SCFD2: variants seen among roughly 807,000 people sequenced by gnomAD.
SCFD2 encodes the protein sec1 family domain-containing protein 2.
SCFD2 carries 54 observed loss-of-function variants against 58.9 expected under a neutral mutation model. That is an observed-to-expected ratio of 0.92 (90% CI 0.74 to 1.15). The LOEUF is 1.15. Among genes scored for constraint, SCFD2 ranks in the 50% most tolerant of loss-of-function variants. The probability of loss-of-function intolerance (pLI) is 0.00; values close to 1 mark genes in which losing one functional copy is unlikely to be tolerated. For synonymous variants in SCFD2, 321 were observed against 335.9 expected, an observed-to-expected ratio of 0.96 and a Z score of 0.49; for missense variants, 805 against 836.6, an observed-to-expected ratio of 0.96 and a Z score of 0.47.
chr4:52,984,892 A>C (rs1721453824), intron 5 of SCFD2, among the ~76,000 whole-genome samples: 1 of 152,202 alleles, frequency 6.6e-6, no homozygotes, highest in African/African-American at 2.4e-5. Flanking sequence ...AGACAGGAAA[A>C]ATGATTTTGC....
At chr4:53,027,509 T>C (rs979307608) in intron 5 of SCFD2, among the ~76,000 whole-genome samples, 1 of 152,040 alleles carries the variant, frequency 6.6e-6, no homozygotes, top group African/African-American at 2.4e-5. Context: ...TACAGAAGAG[T>C]ATGAACAATT....
At chr4:52,961,996 G>A (rs376709665) in intron 5 of SCFD2, among the ~76,000 whole-genome samples, 105 of 152,338 alleles carry the variant, frequency 6.9e-4, no homozygotes, top group African/African-American at 2.5e-3. Context: ...GCTTGTGACA[G>A]GCAAAGAGAA....
intron 5 of SCFD2, among the ~76,000 whole-genome samples, chr4:52,948,120 A>G (rs1372136355): frequency 6.6e-6 from 1 of 152,232 alleles, no homozygotes; most frequent in African/African-American, 2.4e-5. Flanking sequence ...TATGGGATAC[A>G]GCAGAGGCTG....
intron 5 of SCFD2, among the ~76,000 whole-genome samples, chr4:52,943,796 C>G (rs939554822): frequency 6.6e-6 from 1 of 152,174 alleles, no homozygotes; most frequent in Non-Finnish European, 1.5e-5. Flanking sequence ...CCTGAGCTCA[C>G]CATGCAATGG....
intron 5 of SCFD2, among the ~76,000 whole-genome samples, chr4:53,136,335 CTTG>C (rs1725940631): frequency 6.6e-6 from 1 of 152,150 alleles, no homozygotes; most frequent in Non-Finnish European, 1.5e-5. Flanking sequence ...CTCAATTAAC[CTTG>C]TTGTCCTCAT....
chr4:53,086,408 A>G (rs1267370060), intron 5 of SCFD2, among the ~76,000 whole-genome samples: 2 of 152,174 alleles, frequency 1.3e-5, no homozygotes, highest in Non-Finnish European at 2.9e-5. Flanking sequence ...ATATGGAGGA[A>G]AAAAGCCCTA....
At chr4:52,880,781 T>A (rs1300501510) in intron 8 of SCFD2, among the ~76,000 whole-genome samples, 2 of 152,208 alleles carry the variant, frequency 1.3e-5, no homozygotes, top group Non-Finnish European at 2.9e-5. Flanking sequence ...AGCTGGCCGT[T>A]CCCTGTATTT....
chr4:53,273,968 A>G lies in SCFD2; in HGVS notation c.1169T>C (p.Ile390Thr). ...RVTPGQLMSY[I>T]QLFKNNLKAL... Reference sequence around the variant, plus strand: ...TTTGAGGTTGTTCTTGAAGAGCTGAATATAGGACATGAGCTGTCCCGGTGT... The same window carrying G: ...TTTGAGGTTGTTCTTGAAGAGCTGAGTATAGGACATGAGCTGTCCCGGTGT... Residue 390 changes from isoleucine to threonine, a missense_variant, in exon 4 of 9, where the codon ATT becomes ACT. Ile to Thr is a moderately conservative substitution (Grantham distance 89). Around this residue, in one of 3 missense-constraint regions of SCFD2, gnomAD observed 633 missense variants for 646.8 expected, o/e 0.98. Coordinates refer to ENST00000401642, the MANE Select transcript of SCFD2 (RefSeq NM_152540.4). The G allele has an allele frequency of 6.2e-7, 1 of 1,613,308 alleles. No homozygotes were observed. Among genetic ancestry groups the G allele is most frequent in the East Asian group, 2.2e-5 (1 of 44,866 alleles).
At chr4:53,233,907 G>A (rs536783240) in intron 4 of SCFD2, among the ~76,000 whole-genome samples, 7 of 151,988 alleles carry the variant, frequency 4.6e-5, no homozygotes, top group South Asian at 2.1e-4. Flanking sequence ...AAAATTTAAC[G>A]TGAATGCCAA....
intron 2 of SCFD2, among the ~76,000 whole-genome samples, chr4:53,331,818 T>A (rs1040559438): frequency 2.0e-5 from 3 of 152,108 alleles, no homozygotes; most frequent in Non-Finnish European, 2.9e-5. Flanking sequence ...GCTGGTTTTT[T>A]GAAAAGATCA....
intron 4 of SCFD2, among the ~76,000 whole-genome samples, chr4:53,192,212 C>T (rs1437302766): frequency 2.6e-5 from 4 of 152,170 alleles, no homozygotes; most frequent in African/African-American, 7.2e-5. Flanking sequence ...TTCAGGTTCA[C>T]CACTGTCCCC....
chr4:53,183,063 A>G (rs192198323), intron 4 of SCFD2, among the ~76,000 whole-genome samples: 1 of 152,206 alleles, frequency 6.6e-6, no homozygotes, highest in Non-Finnish European at 1.5e-5. Flanking sequence ...GAGCCTGTAA[A>G]CTAGTTCAGC....
chr4:53,217,375 G>A (rs1480846017), intron 4 of SCFD2, among the ~76,000 whole-genome samples: 1 of 152,172 alleles, frequency 6.6e-6, no homozygotes, highest in Non-Finnish European at 1.5e-5. Flanking sequence ...TCTTCTTGTT[G>A]AATTGATCCC....
chr4:53,282,295 T>G (rs1731530216), intron 3 of SCFD2, among the ~76,000 whole-genome samples: 1 of 152,190 alleles, frequency 6.6e-6, no homozygotes, highest in Admixed American at 6.5e-5. Flanking sequence ...TTCATGGGCC[T>G]TCTAGATTGC....
intron 5 of SCFD2, among the ~76,000 whole-genome samples, chr4:53,055,827 G>C (rs141645633): frequency 6.6e-6 from 1 of 152,114 alleles, no homozygotes; most frequent in African/African-American, 2.4e-5. Context: ...CTAGGGTCTG[G>C]GTATTGGAGT....
intron 5 of SCFD2, among the ~76,000 whole-genome samples, chr4:53,038,572 C>T (rs1344085283): frequency 6.6e-6 from 1 of 152,136 alleles, no homozygotes; most frequent in African/African-American, 2.4e-5. Flanking sequence ...TGCCTGACAT[C>T]TGAAGCCTCT....
At chr4:53,110,454 A>T (rs2148883918) in intron 5 of SCFD2, among the ~76,000 whole-genome samples, 1 of 152,344 alleles carries the variant, frequency 6.6e-6, no homozygotes, top group Non-Finnish European at 1.5e-5. Flanking sequence ...GTGAATGGGC[A>T]ACTTACACAA....
At chr4:53,094,716 TA>T (rs576892728) in intron 5 of SCFD2, among the ~76,000 whole-genome samples, 1,774 of 148,174 alleles carry the variant, frequency 0.012, 18 homozygotes, top group Middle Eastern at 0.035. Flanking sequence ...TCTTTTATCT[TA>T]AAAAAAAAAA....
At chr4:53,117,215 G>C (rs952653586) in intron 5 of SCFD2, among the ~76,000 whole-genome samples, 1 of 152,132 alleles carries the variant, frequency 6.6e-6, no homozygotes, top group African/African-American at 2.4e-5. Context: ...CACAAGAGGG[G>C]CCACATTTTA....
Sources: gnomAD v4.1 joint callset for allele counts (sites outside exome capture counted in the v4.1 genomes callset) on GRCh38, gnomAD v4.1.1 for gene constraint, gnomAD v4.1.1 regional missense constraint, MANE v1.5 for transcripts, NCBI Gene and HGNC (gene_info 2026-07-23, HGNC 2026-07-21) for gene names.